The following BACC1 variants were observed in gnomAD, a reference collection of about 807,000 sequenced individuals.
BACC1 encodes BPTF associated chromatin complex component 1.
At chr17:7,017,454 C>T in the BACC1 span, 17 of 823,906 alleles carry the variant, frequency 2.1e-5, 1 homozygote, top group South Asian at 9.7e-5. Context: ...AAGCATCTGC[C>T]CCCAACCCCT....
the BACC1 span, chr17:7,015,961 C>T: frequency 9.2e-7 from 1 of 1,090,408 alleles, no homozygotes; most frequent in Admixed American, 2.1e-5. Flanking sequence ...GAACTCCTTT[C>T]CAGCTCAGCT....
the BACC1 span, chr17:7,014,848 G>T: frequency 2.0e-6 from 3 of 1,532,628 alleles, no homozygotes; most frequent in South Asian, 2.4e-5. This position sits in a 1 kb window ranked among gnomAD's most constrained non-coding sequence, Gnocchi z 4.5. Context: ...GTGAGGAGGC[G>T]CGCGGGGCCA....
At chr17:7,015,771 CAG>C in the BACC1 span, 1 of 1,613,662 alleles carries the variant, frequency 6.2e-7, no homozygotes, top group Non-Finnish European at 8.5e-7. Context: ...CCCCTTCTGA[CAG>C]TGCGAAGTGG....
At chr17:7,017,144 A>G in the BACC1 span, 1 of 1,555,120 alleles carries the variant, frequency 6.4e-7, no homozygotes, top group African/African-American at 1.4e-5. Context: ...GCTCTCATAC[A>G]CAGCGCAGGG....
the BACC1 span, chr17:7,015,040 C>A: frequency 7.4e-6 from 11 of 1,484,900 alleles, no homozygotes; most frequent in Admixed American, 2.6e-5. Context: ...GCCGGCCCCC[C>A]GTGACGCTGC....
the BACC1 span, chr17:7,017,008 G>T: frequency 1.2e-6 from 2 of 1,611,226 alleles, no homozygotes; most frequent in South Asian, 1.1e-5. Context: ...ACTCAACTTC[G>T]ACCAGGGTAG....
At chr17:7,016,407 G>A in the BACC1 span, 2 of 1,437,588 alleles carry the variant, frequency 1.4e-6, no homozygotes, top group Non-Finnish European at 1.9e-6. Flanking sequence ...TCTTATGAAG[G>A]GACTCCCAGA....
the BACC1 span, chr17:7,016,849 C>T: frequency 6.4e-7 from 1 of 1,556,658 alleles, no homozygotes. Context: ...CTTTGGGAAG[C>T]TTGGGGCTGG....
chr17:7,016,366 C>T, the BACC1 span: 9 of 919,690 alleles, frequency 9.8e-6, no homozygotes, highest in African/African-American at 1.3e-4. Flanking sequence ...AAGTGAGAAC[C>T]CTACCAATGG....
the BACC1 span, chr17:7,017,387 G>T: frequency 6.8e-7 from 1 of 1,478,270 alleles, no homozygotes; most frequent in Non-Finnish European, 9.5e-7. Flanking sequence ...TCCGAGCAAG[G>T]CCTGCACGAG....
the BACC1 span, chr17:7,014,955 G>C: frequency 6.8e-7 from 1 of 1,459,972 alleles, no homozygotes; most frequent in East Asian, 3.0e-5. The surrounding 1 kb of genome is among the most constrained non-coding windows in gnomAD (Gnocchi z 4.5). Context: ...CGGCTCTTCC[G>C]CCCCGGGCGG....
At chr17:7,016,162 C>T in the BACC1 span, 2 of 515,520 alleles carry the variant, frequency 3.9e-6, no homozygotes, top group Admixed American at 7.4e-5. Flanking sequence ...GTTTGAGGAC[C>T]CCACTGCAGT....
the BACC1 span, chr17:7,015,901 G>C: frequency 2.8e-5 from 44 of 1,594,518 alleles, no homozygotes; most frequent in East Asian, 2.2e-5. Flanking sequence ...TGCCAGAAAA[G>C]GGCGGGTGGG....
chr17:7,014,892 C>T, the BACC1 span: 1 of 1,522,254 alleles, frequency 6.6e-7, no homozygotes, highest in Non-Finnish European at 8.8e-7. The surrounding 1 kb of genome is among the most constrained non-coding windows in gnomAD (Gnocchi z 4.5). Context: ...CGACCTCCCT[C>T]GCGGACAGCG....
At chr17:7,016,512 CTG>C in the BACC1 span, 1 of 1,613,756 alleles carries the variant, frequency 6.2e-7, no homozygotes, top group Non-Finnish European at 8.5e-7. Context: ...ATAAAGGCCA[CTG>C]TGAAACGCAA....
the BACC1 span, chr17:7,015,503 T>G: frequency 7.3e-7 from 1 of 1,376,722 alleles, no homozygotes; most frequent in Middle Eastern, 2.7e-4. Context: ...TTGGTTTCAG[T>G]GTGCTGTGTA....
At chr17:7,016,945 A>C in the BACC1 span, 2 of 1,614,102 alleles carry the variant, frequency 1.2e-6, no homozygotes, top group Non-Finnish European at 1.7e-6. Flanking sequence ...CTCCGATGCC[A>C]ACAGTGACGT....
chr17:7,017,365 A>C, the BACC1 span: 1 of 1,560,600 alleles, frequency 6.4e-7, no homozygotes, highest in South Asian at 1.1e-5. Context: ...GGACCTGTGG[A>C]TCTCCTGGGA....
At chr17:7,016,606 ACCT>A in the BACC1 span, 3 of 1,613,838 alleles carry the variant, frequency 1.9e-6, no homozygotes, top group East Asian at 2.2e-5. Context: ...GTGTCTTGTC[ACCT>A]CCTCCAGCTG....
Sources: allele counts gnomAD v4.1 joint callset, GRCh38; gene constraint gnomAD v4.1.1; non-coding constraint Gnocchi (gnomAD v3.1); transcripts MANE v1.5; gene names NCBI Gene and HGNC (gene_info 2026-07-23, HGNC 2026-07-21).